The following IL7 variants were observed in gnomAD, a reference collection of about 807,000 sequenced individuals.
IL7 encodes the protein interleukin 7, also known as interleukin-7.
Under a neutral mutation model 21.6 loss-of-function variants are expected in IL7, and 3 were observed. The ratio of observed to expected loss-of-function variants is 0.14; its 90% CI spans 0.06 to 0.36. IL7 has a LOEUF of 0.36. Among genes scored for constraint, IL7 ranks in the 10% least tolerant of loss-of-function variants. The pLI, the probability that IL7 is intolerant of heterozygous loss-of-function variation, is 1.00. For synonymous variants in IL7, 62 were observed against 68.1 expected, an observed-to-expected ratio of 0.91 and a Z score of 0.44; for missense variants, 175 against 200.2, an observed-to-expected ratio of 0.87 and a Z score of 0.76.
chr8:78,705,604 C>T lies in IL7; in HGVS notation n.214+15744G>A, dbSNP rs116863333. ...GCAGTCTGGCCACATTTTTATGGGA[C>T]CACTGTGGTGTGCTGTTGTACCACT... On this transcript the variant is annotated intron_variant and non_coding_transcript_variant, in intron 3 of 4. Transcript: ENST00000523959. Among the ~76,000 whole-genome samples, 45 of 152,082 alleles carry T rather than the reference C, an allele frequency of 3.0e-4. No homozygotes were observed. The East Asian group carries it at 8.0e-3, about 27-fold the overall frequency.
intron 1 of IL7, among the ~76,000 whole-genome samples, chr8:78,803,245 G>A (rs1399592407): frequency 1.3e-5 from 2 of 152,070 alleles, no homozygotes; most frequent in Non-Finnish European, 2.9e-5. Context: ...GCTCACGGCA[G>A]CCTTGACTTC....
chr8:78,698,587 T>C (rs1810508321), intron 3 of IL7: 1 of 1,161,194 alleles, frequency 8.6e-7, no homozygotes, highest in Admixed American at 2.8e-5. Flanking sequence ...GTTTTGATAA[T>C]TGCTTTTTCA....
chr8:78,740,026 T>C lies in IL7; in HGVS notation c.204A>G (p.Lys68=), dbSNP rs771161751. 3 of 1,541,370 alleles carry C rather than the reference T, an allele frequency of 1.9e-6. No homozygotes were observed. The African/African-American group carries it at 4.2e-5, about 22-fold the overall frequency. ...CCTTATTAGCATCACAGATATGTCT[T>C]TTAAAAAAGTTAAATTCATTATTCA... is the stretch of plus-strand genomic sequence containing the variant. ...NCLNNEFNFF[K]RHICDANKEG... Residue 68 remains lysine, a synonymous_variant, in exon 3 of 6, where the codon AAA becomes AAG. Transcript: ENST00000263851.
At chr8:78,725,407 G>A (rs958702562) in intron 3 of IL7, among the ~76,000 whole-genome samples, 4 of 149,120 alleles carry the variant, frequency 2.7e-5, no homozygotes, top group African/African-American at 4.9e-5. Flanking sequence ...TGCCAAGTTG[G>A]TGATTATAAC....
chr8:78,683,264 C>G (rs981010244), intron 4 of IL7, among the ~76,000 whole-genome samples: 1 of 152,252 alleles, frequency 6.6e-6, no homozygotes, highest in Non-Finnish European at 1.5e-5. Flanking sequence ...TCTTATTTCC[C>G]TTTTGCAGTG....
At chr8:78,766,499 C>G (rs1474952961) in intron 2 of IL7, among the ~76,000 whole-genome samples, 1 of 152,052 alleles carries the variant, frequency 6.6e-6, no homozygotes, top group Non-Finnish European at 1.5e-5. Flanking sequence ...AGAAAATACA[C>G]ATATATACAT....
At chr8:78,774,656 G>A (rs1813072813) in intron 2 of IL7, among the ~76,000 whole-genome samples, 1 of 151,794 alleles carries the variant, frequency 6.6e-6, no homozygotes, top group South Asian at 2.1e-4. Context: ...TGTCTCTGTG[G>A]TACATAAAAC....
intron 3 of IL7, among the ~76,000 whole-genome samples, chr8:78,708,645 T>G (rs1056444121): frequency 4.6e-5 from 7 of 151,886 alleles, no homozygotes; most frequent in African/African-American, 7.2e-5. Flanking sequence ...AGTAGAAAGT[T>G]TTTCCCTTCT....
Position 78,761,653 on chromosome 8 carries a change from G to T in IL7, c.148-21571C>A, listed in dbSNP as rs1812561826. 3 of 1,611,992 alleles carry T rather than the reference G, an allele frequency of 1.9e-6. No homozygotes were observed. The South Asian group carries it at 3.3e-5, about 18-fold the overall frequency. On this transcript the variant is annotated intron_variant, in intron 2 of 5. Coordinates refer to ENST00000263851, the MANE Select transcript of IL7 (RefSeq NM_000880.4). Reference sequence around the variant, plus strand: ...CATCGTCAGTGATAATGGAAAAGACGTGTGAGTCTCTCACTTCCCTGAGAG... The same window carrying T: ...CATCGTCAGTGATAATGGAAAAGACTTGTGAGTCTCTCACTTCCCTGAGAG...
chr8:78,781,505 G>A (rs893179748), intron 2 of IL7, among the ~76,000 whole-genome samples: 5 of 152,098 alleles, frequency 3.3e-5, no homozygotes, highest in African/African-American at 1.2e-4. Flanking sequence ...TGAAATTCTG[G>A]TTAGAAACAT....
At chr8:78,794,692 A>G (rs1289165937) in intron 2 of IL7, among the ~76,000 whole-genome samples, 1 of 152,120 alleles carries the variant, frequency 6.6e-6, no homozygotes, top group Non-Finnish European at 1.5e-5. Flanking sequence ...TACTTCCAGA[A>G]CACCATTTAC....
chr8:78,805,199 G>T lies in IL7; in HGVS notation c.-277C>A. On this transcript the variant is annotated 5_prime_UTR_variant, in exon 1 of 6. Transcript: ENST00000263851. ...AGTGTACTTTCAGTTTCTACTTTGC[G>T]CTTGGTCTGCAGGTTCAATCTTTGG... 2.5e-6 allele frequency: 1 copy of T among 396,200 alleles called. No homozygotes were observed. Among genetic ancestry groups the T allele is most frequent in the East Asian group, 4.3e-5 (1 of 23,108 alleles). 24.5% of individuals were successfully genotyped at this position (396,200 alleles called of 1,614,324 possible).
chr8:78,729,696 T>C (rs1382513575), downstream of IL7, among the ~76,000 whole-genome samples: 2 of 152,034 alleles, frequency 1.3e-5, no homozygotes, highest in Non-Finnish European at 2.9e-5. Flanking sequence ...CTCACATGAT[T>C]GGATGCTCCT....
chr8:78,738,698 T>G, intron 3 of IL7, 63 bp from the exon 4 acceptor site: 1 of 1,504,874 alleles, frequency 6.6e-7, no homozygotes, highest in East Asian at 2.3e-5. Flanking sequence ...TTATAAGCTT[T>G]CTTAAGGAGC....
At chr8:78,803,264 AG>A (rs1563442786) in intron 1 of IL7, among the ~76,000 whole-genome samples, 1 of 152,120 alleles carries the variant, frequency 6.6e-6, no homozygotes, top group African/African-American at 2.4e-5. Flanking sequence ...TCCAGGCTCA[AG>A]CAATCCTCCT....
At chr8:78,702,035 A>G (rs1810622472) in intron 3 of IL7, among the ~76,000 whole-genome samples, 1 of 152,236 alleles carries the variant, frequency 6.6e-6, no homozygotes, top group Non-Finnish European at 1.5e-5. Flanking sequence ...TTGGAATAAT[A>G]TCAGTAGGAA....
intron 3 of IL7, among the ~76,000 whole-genome samples, chr8:78,690,350 G>A (rs1810167882): frequency 6.6e-6 from 1 of 152,182 alleles, no homozygotes; most frequent in Non-Finnish European, 1.5e-5. Context: ...ACGATTGTCA[G>A]GAGATAAAGA....
At chr8:78,736,377 CCAGCTAT>C in intron 5 of IL7, 90 bp downstream of exon 5, 1 of 679,616 alleles carries the variant, frequency 1.5e-6, no homozygotes, top group African/African-American at 1.9e-5. Flanking sequence ...TATTTCAAAA[CCAGCTAT>C]AAGAAGGAAA....
In IL7 at chr8:78,770,295, C is replaced by A. The variant is rs189474556; in HGVS notation, c.147+27777G>T. On this transcript the variant is annotated intron_variant, in intron 2 of 5. Transcript: ENST00000263851. ...TTTGCCTGGGTCTAAGACTGTGAACCCACAGTAACAAAACTTAGTAGTTAT... is the reference window on the plus strand; with the variant it reads ...TTTGCCTGGGTCTAAGACTGTGAACACACAGTAACAAAACTTAGTAGTTAT... 6.1e-3 allele frequency among the ~76,000 whole-genome samples: 935 copies of A among 152,108 alleles called. 9 individuals carry two copies. Among genetic ancestry groups the A allele is most frequent in the Middle Eastern group, 0.027 (8 of 294 alleles).
Sources: gnomAD v4.1 joint callset for allele counts (sites outside exome capture counted in the v4.1 genomes callset) on GRCh38, gnomAD v4.1.1 for gene constraint, MANE v1.5 for transcripts, NCBI Gene and HGNC (gene_info 2026-07-23, HGNC 2026-07-21) for gene names.